UTRN: variants seen among roughly 807,000 people sequenced by gnomAD.
The protein encoded by UTRN is utrophin.
UTRN carries 283 observed loss-of-function variants against 463.9 expected under a neutral mutation model. The ratio of observed to expected loss-of-function variants is 0.61; its 90% CI spans 0.55 to 0.67. UTRN has a LOEUF of 0.67. UTRN is among the 30% of genes least tolerant of loss of function. The pLI, the probability that UTRN is intolerant of heterozygous loss-of-function variation, is 0.00. For missense variants in UTRN, 3,922 were observed against 4,084.3 expected, an observed-to-expected ratio of 0.96 and a Z score of 1.08; for synonymous variants, 1,442 against 1,431.5, an observed-to-expected ratio of 1.01 and a Z score of -0.17.
At chr6:144,312,330 A>T (rs538692702) in intron 2 of UTRN, among the ~76,000 whole-genome samples, 14 of 151,984 alleles carry the variant, frequency 9.2e-5, no homozygotes, top group Admixed American at 2.0e-4. Context: ...AGGCTGAGGC[A>T]GGAGAATGGT....
In UTRN at chr6:144,397,397, G is replaced by A. The variant is rs993268133; in HGVS notation, c.80-5726G>A. On this transcript the variant is annotated intron_variant, in intron 2 of 74. Coordinates refer to ENST00000367545, the MANE Select transcript of UTRN (RefSeq NM_007124.3). ...TCATTGGGTCATGCTAGCAGAGCAT[G>A]TGCTTGCTTAAGGAGGTTGATTTTT... 3.9e-5 allele frequency among the ~76,000 whole-genome samples: 6 copies of A among 152,256 alleles called. No homozygotes were observed. In the East Asian group the frequency reaches 1.2e-3, roughly 29 times the overall value.
chr6:144,808,380 TTTC>T (rs1390304435), intron 65 of UTRN, among the ~76,000 whole-genome samples: 1 of 152,142 alleles, frequency 6.6e-6, no homozygotes, highest in African/African-American at 2.4e-5. Flanking sequence ...CAGATTTAAA[TTTC>T]TTTTTTATTT....
intron 54 of UTRN, among the ~76,000 whole-genome samples, chr6:144,733,723 C>G (rs1789036430): frequency 6.6e-6 from 1 of 151,988 alleles, no homozygotes; most frequent in African/African-American, 2.4e-5. Flanking sequence ...CCTTCATATA[C>G]AATATTAGAA....
At chr6:144,336,639 T>C (rs1357154842) in intron 2 of UTRN, among the ~76,000 whole-genome samples, 2 of 152,208 alleles carry the variant, frequency 1.3e-5, no homozygotes, top group Non-Finnish European at 2.9e-5. Flanking sequence ...TGCTGACCTT[T>C]GTTCCACAGC....
chr6:144,396,149 TAAAG>T (rs1364942765), intron 2 of UTRN, among the ~76,000 whole-genome samples: 1 of 152,138 alleles, frequency 6.6e-6, no homozygotes, highest in Non-Finnish European at 1.5e-5. Context: ...GACAAATGGA[TAAAG>T]AAACTGTAGT....
intron 54 of UTRN, among the ~76,000 whole-genome samples, chr6:144,737,521 AG>A (rs1789561465): frequency 1.3e-5 from 2 of 152,224 alleles, no homozygotes; most frequent in African/African-American, 2.4e-5. Context: ...AGTTAAGAGA[AG>A]GCATAGGAAT....
At position 144,490,993 on chromosome 6, in the gene UTRN, G is replaced by T. The variant is rs372393886; in HGVS notation, c.4328G>T (p.Arg1443Leu). The change falls in exon 32 of 75, where the codon CGC becomes CTC. Residue 1443 changes from arginine to leucine, a missense_variant. Transcript: ENST00000367545. Reference sequence around the variant, plus strand: ...CAGAAGCCAGCTAACTTCGAGCAGCGCATGCTGGACTGCAAGCGTGTGCTG... The same window carrying T: ...CAGAAGCCAGCTAACTTCGAGCAGCTCATGCTGGACTGCAAGCGTGTGCTG... ...LFQKPANFEQ[R>L]MLDCKRVLDG... 3.7e-6 allele frequency: 6 copies of T among 1,613,878 alleles called. No homozygotes were observed. The highest frequency in any genetic ancestry group is 5.1e-6 in the Non-Finnish European group (6 of 1,179,872).
chr6:144,285,991 T>G (rs1416779321), intron 1 of UTRN, among the ~76,000 whole-genome samples, 170 bp downstream of exon 1: 1 of 152,208 alleles, frequency 6.6e-6, no homozygotes, highest in Admixed American at 6.5e-5. Flanking sequence ...AACTTTTGCG[T>G]GCCCTTTCCT....
intron 25 of UTRN, among the ~76,000 whole-genome samples, chr6:144,477,472 C>T (rs1181397709): frequency 6.6e-6 from 1 of 151,818 alleles, no homozygotes; most frequent in Non-Finnish European, 1.5e-5. Flanking sequence ...TATATCCATC[C>T]ATTCAGAGAC....
intron 52 of UTRN, among the ~76,000 whole-genome samples, chr6:144,690,091 T>TGTGTG (rs1447726041): frequency 2.9e-4 from 10 of 34,410 alleles, no homozygotes; most frequent in East Asian, 3.0e-3. Flanking sequence ...TTTTTTTTTT[T>TGTGTG]TTTTTGTGTG....
At chr6:144,771,675 C>T (rs1416189100) in intron 58 of UTRN, among the ~76,000 whole-genome samples, 1 of 152,096 alleles carries the variant, frequency 6.6e-6, no homozygotes, top group Admixed American at 6.5e-5. Flanking sequence ...ATCCACCTGC[C>T]TCGGCCTCCC....
At chr6:144,651,911 C>T (rs772494942) in intron 51 of UTRN, among the ~76,000 whole-genome samples, 2 of 152,142 alleles carry the variant, frequency 1.3e-5, no homozygotes, top group Non-Finnish European at 2.9e-5. Flanking sequence ...TTGGTGCACC[C>T]ATCACCTGAG....
intron 23 of UTRN, among the ~76,000 whole-genome samples, chr6:144,472,868 AG>A (rs1790808202): frequency 6.6e-6 from 1 of 151,690 alleles, no homozygotes; most frequent in Non-Finnish European, 1.5e-5. Context: ...CCCAGTTTCA[AG>A]CTATTCTCCT....
intron 2 of UTRN, among the ~76,000 whole-genome samples, chr6:144,321,241 C>A (rs1243167503): frequency 6.6e-6 from 1 of 152,108 alleles, no homozygotes; most frequent in East Asian, 1.9e-4. Flanking sequence ...ACCATATACA[C>A]CCATATCTGG....
At chr6:144,647,613 C>T (rs1778421127) in intron 51 of UTRN, among the ~76,000 whole-genome samples, 2 of 152,232 alleles carry the variant, frequency 1.3e-5, no homozygotes, top group Non-Finnish European at 2.9e-5. Context: ...TTATCTGGAG[C>T]TTTGCGGTCT....
chr6:144,490,315 G>T (rs1792934695), intron 31 of UTRN, 116 bp downstream of exon 31: 10 of 1,398,518 alleles, frequency 7.2e-6, no homozygotes, highest in Non-Finnish European at 9.6e-6. Flanking sequence ...TAAACCATGG[G>T]ATGGGAGTGA....
At chr6:144,403,206 T>C in intron 3 of UTRN, 22 bp downstream of exon 3, 1 of 1,607,004 alleles carries the variant, frequency 6.2e-7, no homozygotes, top group Non-Finnish European at 8.5e-7. Flanking sequence ...TTTCAAAAAC[T>C]TCGATGGTTC....
intron 12 of UTRN, 150 bp from the exon 13 acceptor site, chr6:144,440,202 A>C: frequency 1.3e-6 from 1 of 758,262 alleles, no homozygotes; most frequent in South Asian, 1.8e-5. Flanking sequence ...TAATAGGATT[A>C]GTTTCATTAG....
Position 144,516,330 on chromosome 6 carries a change from A to G in UTRN, c.5346A>G (p.Ile1782Met). The stretch of plus-strand genomic sequence containing the variant: ...ACTTGGAAAAATTAGAAAATGACAT[A>G]GAAAATATGTTAAAATTTGTGGAAA... ...FSDLEKLENDIENMLKFVEKH... is the reference protein window; with the variant it reads ...FSDLEKLENDMENMLKFVEKH... The change falls in exon 38 of 75, where the codon ATA (isoleucine) becomes ATG (methionine). Residue 1782 changes from isoleucine (I) to methionine (M), a missense_variant. This residue lies in a region of UTRN where 2,349 missense variants were observed against 2,303.8 expected (regional missense o/e 1.02). Transcript: ENST00000367545. 6.2e-7 allele frequency: 1 copy of G among 1,613,890 alleles called. No homozygotes were observed. Among genetic ancestry groups the G allele is most frequent in the Non-Finnish European group, 8.5e-7 (1 of 1,179,914 alleles).
Sources: gnomAD v4.1 joint callset for allele counts (sites outside exome capture counted in the v4.1 genomes callset) on GRCh38, gnomAD v4.1.1 for gene constraint, gnomAD v4.1.1 regional missense constraint, MANE v1.5 for transcripts, NCBI Gene and HGNC (gene_info 2026-07-23, HGNC 2026-07-21) for gene names.